PARG: variants seen among roughly 807,000 people sequenced by gnomAD.
The protein encoded by PARG is poly(ADP-ribose) glycohydrolase.
PARG carries 35 observed loss-of-function variants against 113.0 expected under a neutral mutation model. The observed-to-expected ratio is 0.31, with a 90% CI of 0.24 to 0.41. The LOEUF (loss-of-function observed/expected upper bound fraction) is 0.41. PARG is among the 10% of genes least tolerant of loss of function. PARG has a pLI of 1.00. For missense variants in PARG, 797 were observed against 1,169.4 expected, an observed-to-expected ratio of 0.68 and a Z score of 4.64; for synonymous variants, 330 against 409.9, an observed-to-expected ratio of 0.81 and a Z score of 2.36.
At chr10:49,931,167 C>T (rs1228045350) in intron 4 of PARG, among the ~76,000 whole-genome samples, 3 of 151,586 alleles carry the variant, frequency 2.0e-5, no homozygotes, top group Non-Finnish European at 2.9e-5. Flanking sequence ...ACTCCCATAG[C>T]CCTCGTTATA....
rs1298118307 is a variant in PARG, at chr10:49,939,325, T to G, written c.217+2184A>C. Among the ~76,000 whole-genome samples the G allele has an allele frequency of 3.3e-5, 5 of 152,348 alleles. No individual in the cohort carries two copies. In the East Asian group the frequency reaches 9.6e-4, roughly 29 times the overall value. On this transcript the variant is annotated intron_variant, in intron 1 of 17. Transcript: ENST00000616448. ...TAGTCTCCCTGTCTACAGCCTTGAC[T>G]ATCCAGTGTTCTACAAACTACAAAT...
chr10:49,920,514 A>G (rs1259699095), intron 6 of PARG, among the ~76,000 whole-genome samples: 4 of 136,726 alleles, frequency 2.9e-5, no homozygotes, highest in African/African-American at 1.1e-4. Flanking sequence ...ACACACACAT[A>G]TATATGTATA....
chr10:49,841,480 AG>A (rs1845235536), intron 15 of PARG, among the ~76,000 whole-genome samples: 1 of 152,226 alleles, frequency 6.6e-6, no homozygotes, highest in Non-Finnish European at 1.5e-5. Flanking sequence ...AAATGAATAT[AG>A]TAGGCGGCAC....
In PARG at chr10:49,828,383, AAC is replaced by A. The variant is rs1178819723; in HGVS notation, c.2647+4418_2647+4419del. On this transcript the variant is annotated intron_variant, in intron 16 of 17. Transcript: ENST00000616448. ...AGTATGAACTAGGGGGTCACTTTGGAACAGTTAGGAGCACCAGAAATAAGTAG... is the reference window on the plus strand; with the variant it reads ...AGTATGAACTAGGGGGTCACTTTGGAAGTTAGGAGCACCAGAAATAAGTAG... Among the ~76,000 whole-genome samples the A allele has an allele frequency of 3.9e-5, 6 of 152,296 alleles. No individual in the cohort carries two copies. The South Asian group carries it at 1.2e-3, about 32-fold the overall frequency.
intron 16 of PARG, among the ~76,000 whole-genome samples, chr10:49,831,985 T>C (rs1486726797): frequency 2.0e-5 from 3 of 152,206 alleles, no homozygotes; most frequent in African/African-American, 7.2e-5. Flanking sequence ...GATCTGCGAT[T>C]ACTCCAGGTA....
intron 17 of PARG, among the ~76,000 whole-genome samples, 161 bp downstream of exon 17, chr10:49,820,004 G>C (rs1042995899): frequency 3.3e-5 from 5 of 152,170 alleles, no homozygotes; most frequent in African/African-American, 7.2e-5. Context: ...AGAACAAAAA[G>C]ACTCTGCAAA....
At chr10:49,854,676 C>T (rs1459519013) in intron 13 of PARG, among the ~76,000 whole-genome samples, 1 of 142,246 alleles carries the variant, frequency 7.0e-6, no homozygotes. Flanking sequence ...GCTGCACCTG[C>T]ACATACAGCC....
At position 49,941,609 on chromosome 10, in the gene PARG, G is replaced by C. The variant is rs1839078227; in HGVS notation, c.117C>G (p.Leu39=). The C allele has an allele frequency of 9.7e-5, 153 of 1,582,062 alleles. 2 individuals carry two copies. The South Asian group carries it at 1.7e-3, about 18-fold the overall frequency. Residue 39 remains leucine, a synonymous_variant, in exon 1 of 18, where the codon CTC becomes CTG. Transcript: ENST00000616448. ...RSFPSRQRRV[L]DPKDAHVQFR... ...ACTGCACGTGAGCGTCCTTGGGGTC[G>C]AGGACGCGCCTCTGCCTGCTGGGAA...
chr10:49,832,736 T>C, intron 16 of PARG, 67 bp downstream of exon 16: 1 of 780,158 alleles, frequency 1.3e-6, no homozygotes, highest in African/African-American at 1.8e-5. Context: ...ACATGAGAAA[T>C]CTGGTTTGAA....
At chr10:49,842,789 T>C (rs942746963) in intron 14 of PARG, among the ~76,000 whole-genome samples, 3 of 152,202 alleles carry the variant, frequency 2.0e-5, no homozygotes, top group African/African-American at 4.8e-5. Flanking sequence ...TTGTAAATAA[T>C]TGTAAATAAT....
chr10:49,893,694 T>A (rs1470105325), intron 7 of PARG, among the ~76,000 whole-genome samples: 2 of 151,528 alleles, frequency 1.3e-5, no homozygotes, highest in Admixed American at 1.3e-4. Flanking sequence ...TTTGACTTTT[T>A]TTTTTTTCCT....
At chr10:49,829,162 G>A (rs542777711) in intron 16 of PARG, among the ~76,000 whole-genome samples, 1 of 152,236 alleles carries the variant, frequency 6.6e-6, no homozygotes, top group East Asian at 1.9e-4. Flanking sequence ...CTTGAACTCA[G>A]GAGGTGGAGG....
intron 15 of PARG, among the ~76,000 whole-genome samples, chr10:49,833,973 T>C (rs1844793402): frequency 6.6e-6 from 1 of 152,152 alleles, no homozygotes; most frequent in Admixed American, 6.5e-5. Flanking sequence ...GGTATAAAAA[T>C]TTATTTTACA....
chr10:49,891,315 A>AAAATAAATAAAT (rs1318872867), intron 7 of PARG, among the ~76,000 whole-genome samples: 3 of 152,208 alleles, frequency 2.0e-5, no homozygotes, highest in Admixed American at 6.5e-5. Context: ...CTTTGTCTCA[A>AAAATAAATAAAT]AAATAAATAA....
chr10:49,845,068 C>A (rs961181245), intron 13 of PARG, among the ~76,000 whole-genome samples: 1 of 152,102 alleles, frequency 6.6e-6, no homozygotes, highest in African/African-American at 2.4e-5. Context: ...ACCATACACT[C>A]AAAAGAGAGG....
intron 7 of PARG, chr10:49,909,841 TC>T: frequency 1.2e-5 from 2 of 161,420 alleles, no homozygotes; most frequent in African/African-American, 2.4e-5. Flanking sequence ...GGTAACTTGG[TC>T]CCAGGGAAAT....
chr10:49,869,411 A>G (rs1426209949), intron 10 of PARG, 65 bp downstream of exon 10: 17 of 680,512 alleles, frequency 2.5e-5, no homozygotes, highest in East Asian at 1.7e-4. Context: ...TGTTCCTCAC[A>G]TGTCACTTGA....
chr10:49,869,618 C>T, intron 9 of PARG, 63 bp from the exon 10 acceptor site: 1 of 690,228 alleles, frequency 1.4e-6, no homozygotes, highest in East Asian at 2.7e-5. Context: ...ATTCACAAAA[C>T]TACATCCATA....
chr10:49,932,634 T>C (rs1838546536), intron 3 of PARG, among the ~76,000 whole-genome samples: 1 of 152,154 alleles, frequency 6.6e-6, no homozygotes, highest in Non-Finnish European at 1.5e-5. Flanking sequence ...ACAGAAATCA[T>C]GGATGGGATT....
Sources: gnomAD v4.1 joint callset for allele counts (sites outside exome capture counted in the v4.1 genomes callset) on GRCh38, gnomAD v4.1.1 for gene constraint, MANE v1.5 for transcripts, NCBI Gene and HGNC (gene_info 2026-07-23, HGNC 2026-07-21) for gene names.